Variants in PAX7 observed in about 807,000 individuals in gnomAD.
The protein encoded by PAX7 is paired box protein Pax-7.
In PAX7, 18 loss-of-function variants were observed where a neutral mutation model predicts 50.7. The observed-to-expected ratio is 0.36, with a 90% CI of 0.25 to 0.53. The LOEUF is 0.53. Among genes scored for constraint, PAX7 ranks in the 20% least tolerant of loss-of-function variants. PAX7 has a pLI of 0.93. For missense variants in PAX7, 644 were observed against 702.9 expected (o/e 0.92, Z 0.95); for synonymous variants, 310 against 290.4 (o/e 1.07, Z -0.69).
intron 4 of PAX7, among the ~76,000 whole-genome samples, chr1:18,647,432 C>A (rs547592985): frequency 7.6e-6 from 1 of 130,720 alleles, no homozygotes; most frequent in East Asian, 2.3e-4. Flanking sequence ...TGGTGGCCTG[C>A]GAATCTGTGG....
intron 7 of PAX7, among the ~76,000 whole-genome samples, chr1:18,722,827 G>A (rs560587567): frequency 2.0e-5 from 3 of 152,246 alleles, no homozygotes; most frequent in African/African-American, 7.2e-5. Context: ...TAGGTATACC[G>A]GGGCTCATTT....
rs1370044793 is a variant in PAX7 at position 18,707,502 on chromosome 1, C to T, written c.1155+4206C>T. 3.4e-5 allele frequency among the ~76,000 whole-genome samples: 5 copies of T among 146,894 alleles called. No individual in the cohort carries two copies. In the East Asian group the frequency reaches 1.0e-3, roughly 30 times the overall value. On this transcript the variant is annotated intron_variant, in intron 7 of 8. Coordinates refer to ENST00000420770, the MANE Select transcript of PAX7 (RefSeq NM_001135254.2). ...TGGCGCGATCTCAGCTCATTGCAACCTCTGCCTCCTCCCAGGTTCAAGCAA... is the reference window on the plus strand; with the variant it reads ...TGGCGCGATCTCAGCTCATTGCAACTTCTGCCTCCTCCCAGGTTCAAGCAA...
intron 8 of PAX7, 125 bp from the exon 9 acceptor site, chr1:18,744,685 GATAA>G (rs140528968): frequency 0.13 from 66,662 of 515,534 alleles, 3,893 homozygotes; most frequent in African/African-American, 0.25. Context: ...TGGATGGATG[GATAA>G]ATGGATGGAT....
At position 18,718,881 on chromosome 1, in the gene PAX7, C is replaced by T. The variant is rs189035912; in HGVS notation, c.1155+15585C>T. 3.9e-3 allele frequency among the ~76,000 whole-genome samples: 589 copies of T among 152,098 alleles called. 13 individuals carry two copies. In the East Asian group the frequency reaches 0.054, roughly 14 times the overall value. On this transcript the variant is annotated intron_variant, in intron 7 of 8. Transcript: ENST00000420770. ...GGTCTCAAACTCCTGACCTCATGAT[C>T]CTCCCGCCTCAGCCTCCCAAAGTGC...
Position 18,726,132 on chromosome 1 carries a change from T to A in PAX7, c.1156-9500T>A. Among the ~76,000 whole-genome samples the A allele has an allele frequency of 8.2e-6, 1 of 121,908 alleles. No individual in the cohort carries two copies. Among genetic ancestry groups the A allele is most frequent in the African/African-American group, 3.5e-5 (1 of 28,920 alleles). 80.0% of individuals were successfully genotyped at this position (121,908 alleles called of 152,430 possible). ...CTCTAGACATCTTATAAAACAGACA[T>A]TGGAAGAGTGTGAGTGTGTGTGTGT... On this transcript the variant is annotated intron_variant, in intron 7 of 8. Transcript: ENST00000420770. This position sits in a 1 kb window ranked among gnomAD's most constrained non-coding sequence, Gnocchi z 4.8.
intron 8 of PAX7, among the ~76,000 whole-genome samples, chr1:18,744,493 T>G (rs56095535): frequency 9.2e-5 from 2 of 21,652 alleles, no homozygotes; most frequent in Admixed American, 6.8e-4. Flanking sequence ...AATGGATGGA[T>G]GGATGGACAG....
chr1:18,727,953 G>A (rs911070793), intron 7 of PAX7, among the ~76,000 whole-genome samples: 23 of 151,992 alleles, frequency 1.5e-4, no homozygotes, highest in Admixed American at 1.5e-3. Context: ...GCCTATTACC[G>A]CTGTCCACAG....
rs184780318 is a variant in PAX7 at position 18,744,791 on chromosome 1, G to A, written c.1403-23G>A. 10 of 1,410,844 alleles carry A rather than the reference G, an allele frequency of 7.1e-6. No individual in the cohort carries two copies. In the East Asian group the frequency reaches 9.9e-5, roughly 14 times the overall value. The allele number at this position is 1,410,844 out of a possible 1,614,324, so 87.4% of individuals were successfully genotyped here. On this transcript the variant is annotated intron_variant, in intron 8 of 8. Coordinates refer to ENST00000420770, the MANE Select transcript of PAX7 (RefSeq NM_001135254.2). ...TAAACAAAAAGAACCTCAATTTCTA[G>A]GAGAGTCTCTTCTTTTTTCCAGCTG...
Position 18,634,420 on chromosome 1 carries a change from G to C in PAX7, c.203G>C (p.Arg68Pro). 1.2e-6 allele frequency: 2 copies of C among 1,614,186 alleles called. No individual in the cohort carries two copies. The highest frequency in any genetic ancestry group is 1.7e-6 in the Non-Finnish European group (2 of 1,180,034). Residue 68 changes from arginine to proline, a missense_variant, in exon 2 of 9, where the codon CGG becomes CCG. Arg to Pro is a moderately radical substitution (Grantham distance 103). Coordinates refer to ENST00000420770, the MANE Select transcript of PAX7 (RefSeq NM_001135254.2). This position sits in a 1 kb window ranked among gnomAD's most constrained non-coding sequence, Gnocchi z 4.0. ...KIVEMAHHGI[R>P]PCVISRQLRV... ...GTGGAGATGGCCCACCATGGCATCC[G>C]GCCCTGTGTCATCTCCCGACAGCTG...
At chr1:18,671,213 A>G (rs943082425) in intron 4 of PAX7, among the ~76,000 whole-genome samples, 2 of 152,192 alleles carry the variant, frequency 1.3e-5, no homozygotes, top group African/African-American at 4.8e-5. Flanking sequence ...TTCTGGGCAC[A>G]AGGTAGGCAA....
At chr1:18,671,029 A>G (rs2088741398) in intron 4 of PAX7, among the ~76,000 whole-genome samples, 1 of 152,124 alleles carries the variant, frequency 6.6e-6, no homozygotes, top group Non-Finnish European at 1.5e-5. Flanking sequence ...CTTGGCTCCC[A>G]GCACCCCATA....
At chr1:18,720,439 T>C (rs958108408) in intron 7 of PAX7, among the ~76,000 whole-genome samples, 7 of 151,952 alleles carry the variant, frequency 4.6e-5, no homozygotes, top group African/African-American at 1.7e-4. Flanking sequence ...GCATGACAGC[T>C]CAACCCTGGG....
chr1:18,668,078 T>C (rs2088695288), intron 4 of PAX7, among the ~76,000 whole-genome samples: 1 of 151,942 alleles, frequency 6.6e-6, no homozygotes, highest in Non-Finnish European at 1.5e-5. Context: ...GAGATTCATA[T>C]GAGGGAGCTT....
chr1:18,666,088 C>T (rs986114940), intron 4 of PAX7, among the ~76,000 whole-genome samples: 12 of 152,176 alleles, frequency 7.9e-5, no homozygotes, highest in Non-Finnish European at 1.3e-4. Context: ...GCAGGAGGAT[C>T]GCTTGGGCCC....
At chr1:18,719,520 T>G (rs943864227) in intron 7 of PAX7, among the ~76,000 whole-genome samples, 4 of 152,014 alleles carry the variant, frequency 2.6e-5, no homozygotes, top group South Asian at 2.1e-4. Flanking sequence ...AGACCAGGGG[T>G]CTCTGACCAG....
In PAX7 at chr1:18,631,650, C is replaced by A. The variant is rs1033982888; in HGVS notation, c.47C>A (p.Pro16Gln). 3 of 1,613,078 alleles carry A rather than the reference C, an allele frequency of 1.9e-6. No individual in the cohort carries two copies. The highest frequency in any genetic ancestry group is 1.3e-5 in the African/African-American group (1 of 74,930). ...GTACCGAGAATGATGCGGCCGGCTC[C>A]GGGGCAGAACTACCCCCGCACGGGA... ...GTVPRMMRPA[P>Q]GQNYPRTGFP... Residue 16 changes from proline (P) to glutamine (Q), a missense_variant, in exon 1 of 9, where the codon CCG (proline) becomes CAG (glutamine). By Grantham distance (76) the Pro-to-Gln change is moderately conservative. Transcript: ENST00000420770.
intron 4 of PAX7, among the ~76,000 whole-genome samples, chr1:18,648,571 G>A (rs1373787881): frequency 6.6e-6 from 1 of 152,000 alleles, no homozygotes; most frequent in Non-Finnish European, 1.5e-5. Flanking sequence ...TGGAACTCTT[G>A]GACTCAAGCG....
rs995107127 is a variant in PAX7 at position 18,695,081 on chromosome 1, C to G, written c.786+3128C>G. On this transcript the variant is annotated intron_variant, in intron 5 of 8. Transcript: ENST00000420770. The stretch of plus-strand genomic sequence containing the variant: ...GGTTAGTGGATTGGTTCAGGGTAGG[C>G]TTGGAGCCAAATACCTAGATGTGGA... Among the ~76,000 whole-genome samples, 9 of 152,062 alleles carry G rather than the reference C, an allele frequency of 5.9e-5. No homozygotes were observed. The South Asian group carries it at 6.2e-4, about 11-fold the overall frequency.
intron 8 of PAX7, among the ~76,000 whole-genome samples, chr1:18,738,991 C>T (rs1471099818): frequency 2.0e-5 from 3 of 152,242 alleles, no homozygotes; most frequent in African/African-American, 7.2e-5. Context: ...CCATCTGTGG[C>T]TGGGATGCCC....
Sources: allele counts gnomAD v4.1 joint callset (sites outside exome capture counted in the v4.1 genomes callset), GRCh38; gene constraint gnomAD v4.1.1; non-coding constraint Gnocchi (gnomAD v3.1); transcripts MANE v1.5; gene names NCBI Gene and HGNC (gene_info 2026-07-23, HGNC 2026-07-21).